The following MICU2 variants were observed in gnomAD, a reference collection of about 807,000 sequenced individuals.
MICU2 encodes the protein calcium uptake protein 2, mitochondrial.
A neutral mutation model predicts 60.4 loss-of-function variants in MICU2; 64 were observed. That is an observed-to-expected ratio of 1.06 (90% CI 0.87 to 1.31). The LOEUF (loss-of-function observed/expected upper bound fraction) is 1.31. Among genes scored for constraint, MICU2 ranks in the 50% most tolerant of loss-of-function variants. MICU2 has a pLI of 0.00. For missense variants in MICU2, 569 were observed against 531.0 expected, an observed-to-expected ratio of 1.07 and a Z score of -0.70; for synonymous variants, 201 against 175.0, an observed-to-expected ratio of 1.15 and a Z score of -1.17.
chr13:21,599,847 T>C (rs564986124), intron 1 of MICU2, among the ~76,000 whole-genome samples: 1 of 152,352 alleles, frequency 6.6e-6, no homozygotes, highest in African/African-American at 2.4e-5. Context: ...GTTTAAAAAG[T>C]GTTTTCATTT....
intron 1 of MICU2, among the ~76,000 whole-genome samples, chr13:21,591,468 T>C (rs1051168641): frequency 5.9e-5 from 9 of 152,150 alleles, no homozygotes; most frequent in African/African-American, 2.2e-4. Context: ...GATAGATCAA[T>C]GAGACAGAAA....
intron 2 of MICU2, among the ~76,000 whole-genome samples, chr13:21,553,122 G>A (rs1297202376): frequency 6.6e-6 from 1 of 152,118 alleles, no homozygotes; most frequent in East Asian, 1.9e-4. Flanking sequence ...GTGGTTTGTA[G>A]TTCTCCTTGA....
intron 5 of MICU2, among the ~76,000 whole-genome samples, chr13:21,522,272 T>C (rs1695752692): frequency 6.6e-6 from 1 of 152,238 alleles, no homozygotes. Flanking sequence ...AGTCTTTTCT[T>C]GTTTTCCATG....
At chr13:21,574,491 A>C (rs1888180422) in intron 1 of MICU2, among the ~76,000 whole-genome samples, 1 of 152,220 alleles carries the variant, frequency 6.6e-6, no homozygotes, top group Non-Finnish European at 1.5e-5. Flanking sequence ...ACTTCTGTTA[A>C]AACATTTCAC....
intron 1 of MICU2, among the ~76,000 whole-genome samples, chr13:21,584,716 TG>T (rs1023235731): frequency 3.3e-5 from 5 of 152,318 alleles, no homozygotes; most frequent in African/African-American, 1.2e-4. Context: ...ATGTTATTTA[TG>T]AAGTTATTGA....
At position 21,496,043 on chromosome 13, in the gene MICU2, A is replaced by G. The variant is rs374118918; in HGVS notation, c.1042+9T>C. ...TGATAAAAATTAAATGGTTTTTCAT[A>G]TAACTTACCTAGTCTGACAGGACGA... On this transcript the variant is annotated intron_variant, in intron 10 of 11. Coordinates refer to ENST00000382374, the MANE Select transcript of MICU2 (RefSeq NM_152726.3). 1.0e-5 allele frequency: 16 copies of G among 1,592,156 alleles called. No homozygotes were observed. In the African/African-American group the frequency reaches 2.0e-4, roughly 20 times the overall value.
rs866359963 is a variant in MICU2 at position 21,519,247 on chromosome 13, G to A, written c.597+1998C>T. On this transcript the variant is annotated intron_variant, in intron 6 of 11. Transcript: ENST00000382374. ...AATTTTTTGTATTTTTAGTAGAGAC[G>A]GGGTTTCTCCATGTTGGTCACGCTG... 6.6e-5 allele frequency among the ~76,000 whole-genome samples: 10 copies of A among 152,088 alleles called. No individual in the cohort carries two copies. In the South Asian group the frequency reaches 1.0e-3, roughly 16 times the overall value.
intron 4 of MICU2, chr13:21,530,744 C>A: frequency 1.9e-6 from 1 of 528,290 alleles, no homozygotes; most frequent in South Asian, 2.2e-5. Flanking sequence ...ACAGCCAGAG[C>A]AGCCCCCACC....
chr13:21,501,657 C>A (rs73154000), intron 9 of MICU2, among the ~76,000 whole-genome samples: 16 of 152,146 alleles, frequency 1.1e-4, no homozygotes, highest in African/African-American at 3.9e-4. Flanking sequence ...CCTGCACGTA[C>A]GAAAGACTGA....
intron 9 of MICU2, among the ~76,000 whole-genome samples, chr13:21,499,571 T>C (rs185692648): frequency 1.3e-5 from 2 of 151,748 alleles, no homozygotes; most frequent in African/African-American, 2.4e-5. Context: ...CCACCACGCC[T>C]GTCTAATTTT....
At chr13:21,540,264 T>C (rs1451712875) in intron 2 of MICU2, among the ~76,000 whole-genome samples, 1 of 151,864 alleles carries the variant, frequency 6.6e-6, no homozygotes, top group Non-Finnish European at 1.5e-5. Context: ...TACATCATTT[T>C]CCTAATATCC....
chr13:21,516,651 T>C (rs1194096261), intron 6 of MICU2, among the ~76,000 whole-genome samples: 2 of 152,228 alleles, frequency 1.3e-5, no homozygotes, highest in Non-Finnish European at 1.5e-5. Flanking sequence ...TTCTGGTTTC[T>C]TCATATTCTC....
chr13:21,601,316 AAGTTTTC>A (rs1399777983), intron 1 of MICU2, among the ~76,000 whole-genome samples: 2 of 152,196 alleles, frequency 1.3e-5, no homozygotes, highest in African/African-American at 4.8e-5. Flanking sequence ...GGCGAAGGCA[AAGTTTTC>A]AACCTATAGG....
intron 9 of MICU2, among the ~76,000 whole-genome samples, chr13:21,498,369 CTTTTTTTTTTTTTTTTTTTT>C (rs34890922): frequency 1.3e-5 from 1 of 78,544 alleles, no homozygotes; most frequent in African/African-American, 5.7e-5. Context: ...ATATCCTATT[CTTTTTTTTTTTTTTTTTTTT>C]TTTTTTTTTG....
chr13:21,514,103 C>T (rs1422827791), intron 7 of MICU2, among the ~76,000 whole-genome samples: 3 of 152,176 alleles, frequency 2.0e-5, no homozygotes, highest in Admixed American at 2.0e-4. Flanking sequence ...ACTGTGCAAA[C>T]ATCAGAGTGT....
intron 1 of MICU2, among the ~76,000 whole-genome samples, chr13:21,589,920 T>C (rs531726437): frequency 6.6e-6 from 1 of 152,316 alleles, no homozygotes; most frequent in African/African-American, 2.4e-5. Context: ...TGTCCAAGTG[T>C]GCGCTCACCA....
intron 1 of MICU2, among the ~76,000 whole-genome samples, chr13:21,572,415 G>A (rs773530619): frequency 6.6e-5 from 10 of 152,192 alleles, no homozygotes; most frequent in Non-Finnish European, 1.3e-4. Context: ...TGAGACTTCC[G>A]TTAGTGCCAA....
intron 6 of MICU2, 86 bp from the exon 7 acceptor site, chr13:21,514,504 T>A: frequency 1.1e-6 from 1 of 889,580 alleles, no homozygotes; most frequent in Non-Finnish European, 1.8e-6. Flanking sequence ...CTTATTGTTA[T>A]AAAATATATA....
At chr13:21,513,073 T>C (rs1345232971) in intron 7 of MICU2, among the ~76,000 whole-genome samples, 1 of 152,218 alleles carries the variant, frequency 6.6e-6, no homozygotes, top group African/African-American at 2.4e-5. Flanking sequence ...ACATTTTTCT[T>C]GTACCTAGTC....
Sources: allele counts gnomAD v4.1 joint callset (sites outside exome capture counted in the v4.1 genomes callset), GRCh38; gene constraint gnomAD v4.1.1; transcripts MANE v1.5; gene names NCBI Gene and HGNC (gene_info 2026-07-23, HGNC 2026-07-21).